Variants in CSMD1 observed in about 807,000 individuals in gnomAD.
CSMD1 encodes the protein CUB and Sushi multiple domains 1.
A neutral mutation model predicts 417.5 loss-of-function variants in CSMD1; 213 were observed. The observed-to-expected ratio is 0.51, with a 90% confidence interval of 0.46 to 0.57. The LOEUF (loss-of-function observed/expected upper bound fraction) is 0.57. Ranked by LOEUF, CSMD1 falls within the 20% of genes least tolerant of loss-of-function variation. CSMD1 has a pLI of 0.00. For synonymous variants in CSMD1, 2,862 were observed against 1,736.8 expected (o/e 1.65, Z -16.11); for missense variants, 6,923 against 4,529.7 (o/e 1.53, Z -15.17).
intron 10 of CSMD1, among the ~76,000 whole-genome samples, chr8:3,549,063 C>G (rs568191952): frequency 6.6e-6 from 1 of 152,190 alleles, no homozygotes; most frequent in African/African-American, 2.4e-5. Flanking sequence ...GATATCAACC[C>G]CACTTCCCTC....
intron 3 of CSMD1, among the ~76,000 whole-genome samples, chr8:4,214,360 C>T (rs896906118): frequency 1.3e-4 from 20 of 152,152 alleles, no homozygotes; most frequent in African/African-American, 4.8e-5. Flanking sequence ...TGCAGTGGTG[C>T]GATCTTGGCT....
intron 1 of CSMD1, among the ~76,000 whole-genome samples, chr8:4,976,952 G>A (rs1810596963): frequency 6.6e-6 from 1 of 152,164 alleles, no homozygotes; most frequent in Non-Finnish European, 1.5e-5. Context: ...TGGAATGAGG[G>A]CAGATGCTGT....
intron 3 of CSMD1, among the ~76,000 whole-genome samples, chr8:4,372,416 G>A (rs1035161862): frequency 1.9e-4 from 29 of 152,006 alleles, no homozygotes; most frequent in African/African-American, 6.8e-4. Flanking sequence ...ATCTGTATTT[G>A]ACATATATTT....
chr8:4,576,120 C>A (rs1224690097), intron 2 of CSMD1, among the ~76,000 whole-genome samples: 1 of 152,210 alleles, frequency 6.6e-6, no homozygotes, highest in Non-Finnish European at 1.5e-5. Context: ...TTATTGCTAG[C>A]CTATCCCTCT....
intron 3 of CSMD1, among the ~76,000 whole-genome samples, chr8:4,382,661 C>A (rs1026670467): frequency 2.0e-5 from 3 of 152,182 alleles, no homozygotes; most frequent in African/African-American, 7.2e-5. Context: ...GTCTTCACAT[C>A]AGGTCTTAGC....
chr8:4,542,124 G>A (rs557123167), intron 2 of CSMD1, among the ~76,000 whole-genome samples: 52 of 151,970 alleles, frequency 3.4e-4, no homozygotes, highest in Non-Finnish European at 4.6e-4. Flanking sequence ...GAACTCAACA[G>A]TTTGGGCAAG....
At chr8:3,673,443 A>G (rs1468621615) in intron 7 of CSMD1, among the ~76,000 whole-genome samples, 1 of 152,224 alleles carries the variant, frequency 6.6e-6, no homozygotes, top group Admixed American at 6.5e-5. Flanking sequence ...CTCTGGGTAC[A>G]ATGTGGCCCT....
At chr8:4,236,055 T>TTTTTTTTTTTTTTTATTTTTTTTTTTG (rs1802038108) in intron 3 of CSMD1, among the ~76,000 whole-genome samples, 1 of 83,750 alleles carries the variant, frequency 1.2e-5, no homozygotes, top group Non-Finnish European at 2.6e-5. Context: ...TTTTTTTTTT[T>TTTTTTTTTTTTTTTATTTTTTTTTTTG]TTTTTTTTTT....
At chr8:3,989,740 G>C (rs567605431) in intron 5 of CSMD1, among the ~76,000 whole-genome samples, 3 of 152,190 alleles carry the variant, frequency 2.0e-5, no homozygotes, top group African/African-American at 4.8e-5. Flanking sequence ...AAAGTCATAG[G>C]TGGGAAACGC....
intron 1 of CSMD1, among the ~76,000 whole-genome samples, chr8:4,728,485 G>T (rs999471928): frequency 1.3e-5 from 2 of 152,070 alleles, no homozygotes; most frequent in African/African-American, 4.8e-5. Context: ...GTGCTGCCAT[G>T]TAGCAGGTTC....
At chr8:3,199,627 T>C in intron 33 of CSMD1, 87 bp downstream of exon 33, 1 of 678,798 alleles carries the variant, frequency 1.5e-6, no homozygotes, top group South Asian at 3.7e-5. Context: ...AGCTGAGATG[T>C]TTTGAGTGCT....
chr8:3,193,773 T>C (rs1005024846), intron 33 of CSMD1, among the ~76,000 whole-genome samples: 1 of 152,044 alleles, frequency 6.6e-6, no homozygotes, highest in Non-Finnish European at 1.5e-5. Context: ...GGCTTTGAGG[T>C]GCTGAAAGTG....
chr8:3,520,002 G>A (rs906654869), intron 10 of CSMD1, among the ~76,000 whole-genome samples: 3 of 133,174 alleles, frequency 2.3e-5, no homozygotes, highest in Admixed American at 7.5e-5. Flanking sequence ...GCATATATAT[G>A]TGTGTGTGTG....
At chr8:4,256,801 G>C (rs1222446748) in intron 3 of CSMD1, among the ~76,000 whole-genome samples, 1 of 152,168 alleles carries the variant, frequency 6.6e-6, no homozygotes, top group Non-Finnish European at 1.5e-5. Flanking sequence ...AGCAGTCAGG[G>C]CCTGGCATAA....
intron 46 of CSMD1, among the ~76,000 whole-genome samples, chr8:3,100,176 C>G (rs1023187002): frequency 1.3e-5 from 2 of 152,064 alleles, no homozygotes; most frequent in Admixed American, 6.5e-5. Context: ...CTCAGCTGCC[C>G]GAGTAGCTGG....
chr8:4,331,607 C>G (rs1016779062), intron 3 of CSMD1, among the ~76,000 whole-genome samples: 1 of 152,146 alleles, frequency 6.6e-6, no homozygotes, highest in African/African-American at 2.4e-5. Context: ...ATAGTGGCAA[C>G]TGTGGCTTTC....
At chr8:4,418,010 C>G (rs1009231311) in intron 3 of CSMD1, among the ~76,000 whole-genome samples, 1 of 151,908 alleles carries the variant, frequency 6.6e-6, no homozygotes, top group African/African-American at 2.4e-5. Flanking sequence ...AATTTTTCTC[C>G]AAATAACGCA....
chr8:3,889,497 T>A (rs1230504935), intron 5 of CSMD1, among the ~76,000 whole-genome samples: 2 of 94,726 alleles, frequency 2.1e-5, no homozygotes, highest in Non-Finnish European at 4.4e-5. Flanking sequence ...ATATATAAAA[T>A]ATGCTCATTA....
At chr8:3,746,868 T>A (rs1260055920) in intron 6 of CSMD1, among the ~76,000 whole-genome samples, 1 of 152,186 alleles carries the variant, frequency 6.6e-6, no homozygotes, top group Non-Finnish European at 1.5e-5. Flanking sequence ...GCTAAGAAAT[T>A]GTCATCACAT....
Sources: allele counts gnomAD v4.1 joint callset (sites outside exome capture counted in the v4.1 genomes callset), GRCh38; gene constraint gnomAD v4.1.1; transcripts MANE v1.5; gene names NCBI Gene and HGNC (gene_info 2026-07-23, HGNC 2026-07-21).